The following NDST4 variants were observed in gnomAD, a reference collection of about 807,000 sequenced individuals.
The protein encoded by NDST4 is N-deacetylase and N-sulfotransferase 4, also known as N-heparan sulfate sulfotransferase 4.
A neutral mutation model predicts 100.8 loss-of-function variants in NDST4; 63 were observed. The ratio of observed to expected loss-of-function variants is 0.62; its 90% CI spans 0.51 to 0.77. The LOEUF (loss-of-function observed/expected upper bound fraction) is 0.77, where lower values mean the gene tolerates loss of function less well. Ranked by LOEUF, NDST4 falls within the 30% of genes least tolerant of loss-of-function variation. The probability of loss-of-function intolerance (pLI) is 0.00; values close to 1 mark genes in which losing one functional copy is unlikely to be tolerated. For missense variants in NDST4, 943 were observed against 1,018.4 expected, an observed-to-expected ratio of 0.93 and a Z score of 1.01; for synonymous variants, 377 against 361.8, an observed-to-expected ratio of 1.04 and a Z score of -0.48.
chr4:115,063,209 A>T (rs1324064421), intron 2 of NDST4, among the ~76,000 whole-genome samples: 1 of 152,034 alleles, frequency 6.6e-6, no homozygotes, highest in East Asian at 1.9e-4. Context: ...CTTCAAAATT[A>T]TAAAAATAAA....
At chr4:114,901,250 T>G (rs1180050181) in intron 6 of NDST4, among the ~76,000 whole-genome samples, 2 of 152,082 alleles carry the variant, frequency 1.3e-5, no homozygotes, top group East Asian at 3.8e-4. Flanking sequence ...GGGTGTTAAA[T>G]TTTCAATTAC....
chr4:115,071,134 AT>A (rs1729068130), intron 2 of NDST4, among the ~76,000 whole-genome samples: 2 of 150,398 alleles, frequency 1.3e-5, no homozygotes, highest in African/African-American at 5.0e-5. Context: ...TGAAAATAAA[AT>A]AAAAAAATAA....
rs1323558336 is a variant in NDST4, at chr4:114,970,541, A to G, written c.1110T>C (p.Ser370=). ...GAGGAAACCACCAGAACTCATCCAC[A>G]GACCGAAGTAAAAGGTCATCTCCTT... ...EDEGDDLLLR[S]VDEFWWFPHM... Residue 370 remains serine, a synonymous_variant, in exon 4 of 14, where the codon TCT becomes TCC. Transcript: ENST00000264363. The G allele has an allele frequency of 1.2e-6, 2 of 1,613,888 alleles. No individual in the cohort carries two copies. Among genetic ancestry groups the G allele is most frequent in the Non-Finnish European group, 1.7e-6 (2 of 1,179,892 alleles).
chr4:114,933,432 CTTTTTT>C (rs367931653), intron 6 of NDST4, among the ~76,000 whole-genome samples: 158 of 89,246 alleles, frequency 1.8e-3, no homozygotes, highest in African/African-American at 4.6e-3. Flanking sequence ...TTTTCTTTTC[CTTTTTT>C]TTTTTTTTTT....
intron 2 of NDST4, among the ~76,000 whole-genome samples, chr4:115,055,331 C>A (rs1728670210): frequency 6.6e-6 from 1 of 152,060 alleles, no homozygotes; most frequent in African/African-American, 2.4e-5. Context: ...TGAATCCTCC[C>A]AAAACCATCC....
At chr4:115,064,155 G>C (rs1728882342) in intron 2 of NDST4, among the ~76,000 whole-genome samples, 1 of 151,962 alleles carries the variant, frequency 6.6e-6, no homozygotes, top group Admixed American at 6.6e-5. Context: ...CACATTGTCA[G>C]AGGCCTTGTT....
intron 1 of NDST4, among the ~76,000 whole-genome samples, chr4:115,078,279 C>T (rs1360017106): frequency 6.6e-6 from 1 of 152,008 alleles, no homozygotes; most frequent in Non-Finnish European, 1.5e-5. Flanking sequence ...CCAGGTATCT[C>T]ACATGGTGGA....
chr4:115,039,694 G>C (rs950177846), intron 2 of NDST4, among the ~76,000 whole-genome samples: 1 of 152,010 alleles, frequency 6.6e-6, no homozygotes, highest in African/African-American at 2.4e-5. Context: ...TCAATCTCCA[G>C]CTTATTGTTA....
chr4:115,073,339 A>G (rs1729115982), intron 2 of NDST4, among the ~76,000 whole-genome samples: 1 of 152,018 alleles, frequency 6.6e-6, no homozygotes, highest in Non-Finnish European at 1.5e-5. Context: ...AATGAATTCA[A>G]CTTACCAAAT....
At chr4:115,069,030 C>T (rs1729014659) in intron 2 of NDST4, among the ~76,000 whole-genome samples, 1 of 151,822 alleles carries the variant, frequency 6.6e-6, no homozygotes, top group African/African-American at 2.4e-5. Flanking sequence ...CATAAAGATG[C>T]TAACTGAGAA....
intron 2 of NDST4, among the ~76,000 whole-genome samples, chr4:114,986,745 G>C (rs115675494): frequency 7.3e-6 from 1 of 136,450 alleles, no homozygotes; most frequent in Non-Finnish European, 1.5e-5. Context: ...TAGGGCACTG[G>C]CATTTTTGTT....
At chr4:114,982,380 A>G (rs1218911600) in intron 2 of NDST4, among the ~76,000 whole-genome samples, 1 of 152,164 alleles carries the variant, frequency 6.6e-6, no homozygotes, top group Non-Finnish European at 1.5e-5. Flanking sequence ...TGGAAACTAG[A>G]GCAAAGGTCA....
intron 2 of NDST4, among the ~76,000 whole-genome samples, chr4:115,054,258 T>C (rs1728647073): frequency 6.6e-6 from 1 of 152,094 alleles, no homozygotes; most frequent in African/African-American, 2.4e-5. Flanking sequence ...GTATCTATCA[T>C]GAGGCAAGCA....
rs375423220 is a variant in NDST4, at chr4:114,872,470, T to A, written c.1537-1520A>T. Among the ~76,000 whole-genome samples the A allele has an allele frequency of 3.6e-3, 541 of 152,114 alleles. 3 individuals carry two copies. The highest frequency in any genetic ancestry group is 0.013 in the African/African-American group (525 of 41,550). On this transcript the variant is annotated intron_variant, in intron 6 of 13. Coordinates refer to ENST00000264363, the MANE Select transcript of NDST4 (RefSeq NM_022569.3). Reference sequence around the variant, plus strand: ...CGTTGTTTGAATGCCCTTTTTATTGTGGAAAAGATAGTCTCTATTATGTGT... The same window carrying A: ...CGTTGTTTGAATGCCCTTTTTATTGAGGAAAAGATAGTCTCTATTATGTGT...
At chr4:114,887,783 C>T (rs1724510359) in intron 6 of NDST4, among the ~76,000 whole-genome samples, 2 of 152,094 alleles carry the variant, frequency 1.3e-5, no homozygotes, top group African/African-American at 4.8e-5. Context: ...ACCCTTTAGA[C>T]TACTGGTAAG....
At position 115,076,995 on chromosome 4, in the gene NDST4, C is replaced by A. The variant is rs780700587; in HGVS notation, c.42G>T (p.Leu14Phe). The A allele has an allele frequency of 1.2e-6, 2 of 1,608,786 alleles. No homozygotes were observed. Among genetic ancestry groups the A allele is most frequent in the East Asian group, 2.2e-5 (1 of 44,654 alleles). ...IVKLRRSFRT[L>F]IVLLATFCLV... Reference sequence around the variant, plus strand: ...AGCAAAAGGTAGCTAAGAGAACAATCAATGTTCGAAAACTTCTCCGAAGTT... The same window carrying A: ...AGCAAAAGGTAGCTAAGAGAACAATAAATGTTCGAAAACTTCTCCGAAGTT... Residue 14 changes from leucine (L) to phenylalanine (F), a missense_variant, in exon 2 of 14, where the codon TTG becomes TTT. Leu to Phe is a conservative substitution (Grantham distance 22). Transcript: ENST00000264363.
chr4:114,852,383 T>C (rs60822800), intron 8 of NDST4, among the ~76,000 whole-genome samples: 46 of 152,268 alleles, frequency 3.0e-4, no homozygotes, highest in African/African-American at 1.1e-3. Context: ...TAAATTGCTT[T>C]AGAAATTAAT....
intron 2 of NDST4, among the ~76,000 whole-genome samples, chr4:115,053,238 A>G (rs1728622973): frequency 6.6e-6 from 1 of 152,158 alleles, no homozygotes; most frequent in South Asian, 2.1e-4. Context: ...TTACGAAGAA[A>G]TCTAGATAGT....
intron 10 of NDST4, chr4:114,842,576 G>A: frequency 5.7e-6 from 1 of 174,160 alleles, no homozygotes; most frequent in Admixed American, 7.8e-5. Flanking sequence ...CGGATCACGA[G>A]TTCAGGAGAT....
Sources: allele counts gnomAD v4.1 joint callset (sites outside exome capture counted in the v4.1 genomes callset), GRCh38; gene constraint gnomAD v4.1.1; transcripts MANE v1.5; gene names NCBI Gene and HGNC (gene_info 2026-07-23, HGNC 2026-07-21).